ACSL1: variants seen among roughly 807,000 people sequenced by gnomAD.
ACSL1 encodes acyl-CoA synthetase long chain family member 1, also known as long-chain-fatty-acid--CoA ligase 1.
Under a neutral mutation model 98.4 loss-of-function variants are expected in ACSL1, and 41 were observed. The ratio of observed to expected loss-of-function variants is 0.42; its 90% CI spans 0.32 to 0.54. The LOEUF (loss-of-function observed/expected upper bound fraction) is 0.54, where lower values mean the gene tolerates loss of function less well. ACSL1 is among the 20% of genes least tolerant of loss of function. ACSL1 has a pLI of 0.13. For missense variants in ACSL1, 734 were observed against 883.1 expected (o/e 0.83, Z 2.14); for synonymous variants, 316 against 322.7 (o/e 0.98, Z 0.22).
At chr4:184,793,155 C>T (rs777979914) in intron 2 of ACSL1, among the ~76,000 whole-genome samples, 1 of 148,902 alleles carries the variant, frequency 6.7e-6, no homozygotes, top group African/African-American at 2.5e-5. Context: ...ATTCCTCCTG[C>T]TATAGACCTC....
At chr4:184,759,026 G>C (rs1334141445) in intron 18 of ACSL1, 1 of 151,252 alleles carries the variant, frequency 6.6e-6, no homozygotes, top group East Asian at 1.9e-4. Context: ...GTGATAGTTT[G>C]CTGAGAATGA....
Position 184,756,742 on chromosome 4 carries a change from T to C in ACSL1, c.*383A>G, listed in dbSNP as rs1325750150. ...TTTAGAGCAGCAGACAGCTGCAGAA[T>C]TTGCAGCAAGTAGCAGACATCTCAG... On this transcript the variant is annotated 3_prime_UTR_variant, in exon 21 of 21. Coordinates refer to ENST00000281455, the MANE Select transcript of ACSL1 (RefSeq NM_001995.5). The C allele has an allele frequency of 1.8e-5, 3 of 164,114 alleles. No homozygotes were observed. Among genetic ancestry groups the C allele is most frequent in the Non-Finnish European group, 4.0e-5 (3 of 74,666 alleles). 10.2% of individuals were successfully genotyped at this position (164,114 alleles called of 1,614,324 possible). A position where few individuals can be genotyped will look rare whatever the true frequency, so the allele number is the denominator to read the frequency against.
chr4:184,760,282 C>T, intron 18 of ACSL1, 75 bp downstream of exon 18: 1 of 1,514,064 alleles, frequency 6.6e-7, no homozygotes, highest in South Asian at 1.3e-5. Flanking sequence ...AACTTCCAAT[C>T]ACATTTAAAG....
chr4:184,826,165 GC>G (rs932778106), upstream of ACSL1: 11 of 148,210 alleles, frequency 7.4e-5, no homozygotes, highest in African/African-American at 2.7e-4. Flanking sequence ...GCGCCCGGCC[GC>G]CCTCCTGTCT....
At chr4:184,787,371 C>T (rs1347726914) in intron 3 of ACSL1, among the ~76,000 whole-genome samples, 2 of 152,154 alleles carry the variant, frequency 1.3e-5, no homozygotes, top group Non-Finnish European at 1.5e-5. Flanking sequence ...GTGAACACCT[C>T]TGTGCCATCA....
In ACSL1 at chr4:184,762,457, A is replaced by G. The variant is rs751453782; in HGVS notation, c.1588T>C (p.Leu530=). Residue 530 remains leucine (L), a synonymous_variant, in exon 17 of 21, where the codon TTG becomes CTG. Transcript: ENST00000281455. ...GTGTGTAACCAGCCGTCTTTGTCCAAAGCTTCTGCTGTTTTCGCTGGGTCC... is the reference window on the plus strand; with the variant it reads ...GTGTGTAACCAGCCGTCTTTGTCCAGAGCTTCTGCTGTTTTCGCTGGGTCC... ...LKDPAKTAEA[L]DKDGWLHTGD... 6.2e-7 allele frequency: 1 copy of G among 1,614,236 alleles called. No homozygotes were observed. Among genetic ancestry groups the G allele is most frequent in the Non-Finnish European group, 8.5e-7 (1 of 1,180,042 alleles).
At position 184,766,921 on chromosome 4, in the gene ACSL1, C is replaced by T. The variant is rs924438746; in HGVS notation, c.1129-165G>A. On this transcript the variant is annotated intron_variant, in intron 12 of 20. Coordinates refer to ENST00000281455, the MANE Select transcript of ACSL1 (RefSeq NM_001995.5). This position sits in a 1 kb window ranked among gnomAD's most constrained non-coding sequence, Gnocchi z 4.8. ...ACGGCCCCACATGGTCAGCACAGGA[C>T]AGCAATTCCACACCTCGGTATACAC... Among the ~76,000 whole-genome samples the T allele has an allele frequency of 6.6e-6, 1 of 152,206 alleles. No homozygotes were observed. The highest frequency in any genetic ancestry group is 1.5e-5 in the Non-Finnish European group (1 of 68,032).
intron 3 of ACSL1, among the ~76,000 whole-genome samples, chr4:184,787,410 T>G (rs1035630434): frequency 3.3e-5 from 5 of 152,018 alleles, no homozygotes; most frequent in African/African-American, 1.2e-4. Flanking sequence ...TATAACATGC[T>G]GGGAGGGAAA....
At chr4:184,777,775 G>A (rs1321363005) in intron 5 of ACSL1, among the ~76,000 whole-genome samples, 1 of 148,674 alleles carries the variant, frequency 6.7e-6, no homozygotes, top group Non-Finnish European at 1.5e-5. Flanking sequence ...TTTGGAAAGA[G>A]AAAGAAAGAG....
chr4:184,762,469 T>C lies in ACSL1; in HGVS notation c.1576A>G (p.Thr526Ala), dbSNP rs1762995632. Residue 526 changes from threonine (T) to alanine (A), a missense_variant, in exon 17 of 21, where the codon ACA becomes GCA. Thr to Ala is a moderately conservative substitution (Grantham distance 58, BLOSUM62 0). Coordinates refer to ENST00000281455, the MANE Select transcript of ACSL1 (RefSeq NM_001995.5). ...CCGTCTTTGTCCAAAGCTTCTGCTGTTTTCGCTGGGTCCTTCAAGTAGCCC... is the reference window on the plus strand; with the variant it reads ...CCGTCTTTGTCCAAAGCTTCTGCTGCTTTCGCTGGGTCCTTCAAGTAGCCC... ...FQGYLKDPAK[T>A]AEALDKDGWL... 1.2e-6 allele frequency: 2 copies of C among 1,614,232 alleles called. No individual in the cohort carries two copies. The highest frequency in any genetic ancestry group is 2.2e-5 in the South Asian group (2 of 91,080).
chr4:184,776,671 G>A lies in ACSL1; in HGVS notation c.578-9C>T. 6.2e-7 allele frequency: 1 copy of A among 1,606,736 alleles called. No homozygotes were observed. The highest frequency in any genetic ancestry group is 1.3e-5 in the African/African-American group (1 of 74,916). On this transcript the variant is annotated splice_polypyrimidine_tract_variant and intron_variant, in intron 6 of 20. Coordinates refer to ENST00000281455, the MANE Select transcript of ACSL1 (RefSeq NM_001995.5). ...AACCAGAGAGAGTTCAGCTGTAAAT[G>A]AAGAGATACAATGAAGAATAAGCTC... is the stretch of plus-strand genomic sequence containing the variant.
chr4:184,816,043 C>T (rs1164015248), intron 1 of ACSL1, among the ~76,000 whole-genome samples: 1 of 151,944 alleles, frequency 6.6e-6, no homozygotes, highest in Non-Finnish European at 1.5e-5. Flanking sequence ...TCGATTGAAC[C>T]TGTGGGGGGC....
chr4:184,770,562 A>AGGGGGAG (rs1215081777), intron 10 of ACSL1, 86 bp from the exon 11 acceptor site: 1 of 221,158 alleles, frequency 4.5e-6, no homozygotes, highest in Non-Finnish European at 8.9e-6. Context: ...GTTGTGGGGT[A>AGGGGGAG]GGGGGAGGGG....
intron 18 of ACSL1, among the ~76,000 whole-genome samples, chr4:184,759,832 T>C (rs1762619597): frequency 6.6e-6 from 1 of 152,210 alleles, no homozygotes; most frequent in African/African-American, 2.4e-5. Context: ...TCCAAAAGGT[T>C]AATTTTCAGG....
chr4:184,771,514 G>A (rs1764508701), intron 10 of ACSL1, among the ~76,000 whole-genome samples: 3 of 152,096 alleles, frequency 2.0e-5, no homozygotes, highest in Admixed American at 6.5e-5. Context: ...CCAGGAATTT[G>A]CTCTCCTATA....
intron 11 of ACSL1, among the ~76,000 whole-genome samples, chr4:184,769,180 T>C (rs1300970482): frequency 1.3e-5 from 2 of 152,136 alleles, no homozygotes; most frequent in African/African-American, 4.8e-5. Flanking sequence ...AAAGTCTCAC[T>C]TTCTTTTGTT....
chr4:184,775,538 G>A (rs1335910449), intron 7 of ACSL1, among the ~76,000 whole-genome samples: 3 of 152,186 alleles, frequency 2.0e-5, no homozygotes, highest in Non-Finnish European at 4.4e-5. Flanking sequence ...GGAAGCACCC[G>A]GGTCAGCACT....
At chr4:184,821,237 T>C (rs930998746) in intron 1 of ACSL1, 13 of 373,002 alleles carry the variant, frequency 3.5e-5, no homozygotes, top group African/African-American at 1.7e-4. Flanking sequence ...ACCTGGACCC[T>C]GAAGGAGAAA....
In ACSL1 at chr4:184,788,735, T is replaced by C. The variant is rs752592668; in HGVS notation, c.196-4A>G. On this transcript the variant is annotated splice_polypyrimidine_tract_variant and splice_region_variant and intron_variant, in intron 2 of 20. Coordinates refer to ENST00000281455, the MANE Select transcript of ACSL1 (RefSeq NM_001995.5). ...ATCTTCGTGCACCACCACTACCCTATCAAAAAAGAAAGGGGGGCAGGTTAG... is the reference window on the plus strand; with the variant it reads ...ATCTTCGTGCACCACCACTACCCTACCAAAAAAGAAAGGGGGGCAGGTTAG... 6.2e-7 allele frequency: 1 copy of C among 1,612,172 alleles called. No homozygotes were observed. The highest frequency in any genetic ancestry group is 8.5e-7 in the Non-Finnish European group (1 of 1,179,178).
Sources: allele counts gnomAD v4.1 joint callset (sites outside exome capture counted in the v4.1 genomes callset), GRCh38; gene constraint gnomAD v4.1.1; non-coding constraint Gnocchi (gnomAD v3.1); transcripts MANE v1.5; gene names NCBI Gene and HGNC (gene_info 2026-07-23, HGNC 2026-07-21).